RYR2: variants seen among roughly 807,000 people sequenced by gnomAD.
The protein encoded by RYR2 is cardiac muscle ryanodine receptor-calcium release channel.
Under a neutral mutation model 601.1 loss-of-function variants are expected in RYR2, and 227 were observed. That is an observed-to-expected ratio of 0.38 (90% CI 0.34 to 0.42). The LOEUF (loss-of-function observed/expected upper bound fraction) is 0.42, where lower values mean the gene tolerates loss of function less well. Ranked by LOEUF, RYR2 falls within the 10% of genes least tolerant of loss-of-function variation. The pLI, the probability that RYR2 is intolerant of heterozygous loss-of-function variation, is 1.00. For synonymous variants in RYR2, 2,223 were observed against 2,175.1 expected (o/e 1.02, Z -0.61); for missense variants, 4,646 against 6,156.5 (o/e 0.75, Z 8.21).
chr1:237,499,737 G>A (rs1664434281), intron 20 of RYR2, among the ~76,000 whole-genome samples: 2 of 152,142 alleles, frequency 1.3e-5, no homozygotes, highest in South Asian at 4.1e-4. Flanking sequence ...TAGAGATATT[G>A]GCATGCTAGA....
rs568355037 is a variant in RYR2, at chr1:237,199,374, C to A, written c.49-71123C>A. Among the ~76,000 whole-genome samples, 69 of 152,340 alleles carry A rather than the reference C, an allele frequency of 4.5e-4. 1 individual carries two copies. The highest frequency in any genetic ancestry group is 1.6e-3 in the African/African-American group (67 of 41,576). Reference sequence around the variant, plus strand: ...CAGTCTGTGGCCGAAGGCCCAAGAGCCCCTGGCAAAGCACTGGTGTAAATC... The same window carrying A: ...CAGTCTGTGGCCGAAGGCCCAAGAGACCCTGGCAAAGCACTGGTGTAAATC... On this transcript the variant is annotated intron_variant, in intron 1 of 104. Transcript: ENST00000366574.
At chr1:237,553,491 G>T (rs1225962514) in intron 27 of RYR2, among the ~76,000 whole-genome samples, 1 of 151,866 alleles carries the variant, frequency 6.6e-6, no homozygotes, top group Non-Finnish European at 1.5e-5. Flanking sequence ...TTAAAATCAG[G>T]TAGGGCAAGT....
At chr1:237,596,570 A>T (rs976668588) in intron 34 of RYR2, among the ~76,000 whole-genome samples, 1 of 152,270 alleles carries the variant, frequency 6.6e-6, no homozygotes, top group African/African-American at 2.4e-5. Context: ...GCCACTGAGC[A>T]ATGGAGAAAG....
intron 72 of RYR2, among the ~76,000 whole-genome samples, chr1:237,717,974 T>C (rs1173023825): frequency 6.6e-6 from 1 of 152,246 alleles, no homozygotes; most frequent in Non-Finnish European, 1.5e-5. Flanking sequence ...TCACTGAACA[T>C]GCATCGTTTG....
At chr1:237,788,200 T>A in intron 92 of RYR2, 65 bp downstream of exon 92, 1 of 1,352,042 alleles carries the variant, frequency 7.4e-7, no homozygotes, top group Non-Finnish European at 1.0e-6. Context: ...TTAGGCTCAG[T>A]AAATGTTTGC....
chr1:237,682,086 T>C (rs1361439969), intron 62 of RYR2, among the ~76,000 whole-genome samples: 1 of 152,226 alleles, frequency 6.6e-6, no homozygotes, highest in African/African-American at 2.4e-5. Context: ...ATTATCTCCA[T>C]TCAGTTTCAG....
chr1:237,330,835 G>A (rs1696636740), intron 2 of RYR2, 43 bp from the exon 3 acceptor site: 1 of 1,493,224 alleles, frequency 6.7e-7, no homozygotes, highest in Non-Finnish European at 9.3e-7. Context: ...CTGGATGCTT[G>A]ATGAAGATGA....
chr1:237,608,794 CTGTTTTT>C (rs1434067148), intron 35 of RYR2, among the ~76,000 whole-genome samples: 58 of 82,452 alleles, frequency 7.0e-4, no homozygotes, highest in African/African-American at 2.4e-3. Flanking sequence ...TCAGACTGAC[CTGTTTTT>C]TTTTTTTTTT....
At chr1:237,627,674 A>T in intron 40 of RYR2, 133 bp from the exon 41 acceptor site, 1 of 869,398 alleles carries the variant, frequency 1.2e-6, no homozygotes, top group Non-Finnish European at 1.7e-6. Flanking sequence ...TTCTTCAAAG[A>T]ATATCTAGAG....
chr1:237,165,757 C>T (rs906929450), intron 1 of RYR2, among the ~76,000 whole-genome samples: 1 of 152,010 alleles, frequency 6.6e-6, no homozygotes, highest in African/African-American at 2.4e-5. Context: ...GTCCCAGCTA[C>T]TTGAGAGGCT....
At chr1:237,738,997 T>G (rs1691381076) in intron 79 of RYR2, among the ~76,000 whole-genome samples, 1 of 152,346 alleles carries the variant, frequency 6.6e-6, no homozygotes, top group East Asian at 1.9e-4. Flanking sequence ...CTGACTTTTG[T>G]CAACCAAATG....
Position 237,635,088 on chromosome 1 carries a change from T to C in RYR2, c.6792+96T>C, listed in dbSNP as rs915336398. On this transcript the variant is annotated intron_variant, in intron 44 of 104. Coordinates refer to ENST00000366574, the MANE Select transcript of RYR2 (RefSeq NM_001035.3). ...ATAAGTAAGGTTGGTGCAGAAGTCATTGTGGTTTTGCAATGTGACATTATG... is the reference window on the plus strand; with the variant it reads ...ATAAGTAAGGTTGGTGCAGAAGTCACTGTGGTTTTGCAATGTGACATTATG... 27 of 982,216 alleles carry C rather than the reference T, an allele frequency of 2.7e-5. No individual in the cohort carries two copies. The South Asian group carries it at 4.7e-4, about 17-fold the overall frequency. The allele number at this position is 982,216 out of a possible 1,614,324, so 60.8% of individuals were successfully genotyped here.
chr1:237,228,793 C>G (rs1684668381), intron 1 of RYR2, among the ~76,000 whole-genome samples: 1 of 152,152 alleles, frequency 6.6e-6, no homozygotes, highest in Non-Finnish European at 1.5e-5. Context: ...AGAACCTGCA[C>G]TGTTCAAAAT....
intron 35 of RYR2, among the ~76,000 whole-genome samples, chr1:237,608,266 G>A (rs1375917107): frequency 6.6e-6 from 1 of 152,172 alleles, no homozygotes; most frequent in East Asian, 1.9e-4. Context: ...TTTAGTAGAC[G>A]CCAAGCGAGG....
intron 1 of RYR2, among the ~76,000 whole-genome samples, chr1:237,239,391 G>A (rs1685917700): frequency 6.6e-6 from 1 of 152,100 alleles, no homozygotes; most frequent in East Asian, 1.9e-4. Context: ...AATGCACGGG[G>A]TTTTATAGAG....
At chr1:237,718,623 A>G in intron 73 of RYR2, 102 bp downstream of exon 73, 1 of 524,984 alleles carries the variant, frequency 1.9e-6, no homozygotes. Flanking sequence ...CATTAAGGTA[A>G]TAGACATATT....
intron 2 of RYR2, among the ~76,000 whole-genome samples, chr1:237,297,926 A>ATATT (rs1553387182): frequency 2.2e-5 from 3 of 133,380 alleles, no homozygotes; most frequent in African/African-American, 2.8e-5. Context: ...AATTTTTTGT[A>ATATT]TTTTTTTTTT....
chr1:237,792,366 T>TGTGTGTGCACGC (rs781440406), intron 94 of RYR2, 43 bp downstream of exon 94: 1 of 782,892 alleles, frequency 1.3e-6, no homozygotes, highest in East Asian at 3.2e-5. Context: ...TGTGTGTGTG[T>TGTGTGTGCACGC]GTGTGTGTGT....
At chr1:237,391,556 A>G (rs1433603307) in intron 10 of RYR2, among the ~76,000 whole-genome samples, 1 of 152,172 alleles carries the variant, frequency 6.6e-6, no homozygotes, top group Non-Finnish European at 1.5e-5. Flanking sequence ...TGAGTGATTT[A>G]GGAATAGTCT....
Sources: gnomAD v4.1 joint callset for allele counts (sites outside exome capture counted in the v4.1 genomes callset) on GRCh38, gnomAD v4.1.1 for gene constraint, MANE v1.5 for transcripts, NCBI Gene and HGNC (gene_info 2026-07-23, HGNC 2026-07-21) for gene names.